Variants in OIT3 observed in about 807,000 individuals in gnomAD.
OIT3 encodes oncoprotein induced transcript 3.
In OIT3, 41 loss-of-function variants were observed where a neutral mutation model predicts 52.2. That is an observed-to-expected ratio of 0.79 (90% CI 0.61 to 1.02). The LOEUF (loss-of-function observed/expected upper bound fraction) is 1.02, where lower values mean the gene tolerates loss of function less well. Among genes scored for constraint, OIT3 ranks in the 50% least tolerant of loss-of-function variants. The probability of loss-of-function intolerance (pLI) is 0.00; values close to 1 mark genes in which losing one functional copy is unlikely to be tolerated. For missense variants in OIT3, 634 were observed against 715.5 expected (o/e 0.89, Z 1.30); for synonymous variants, 244 against 276.9 (o/e 0.88, Z 1.18).
chr10:72,912,978 A>G (rs1846042603), intron 5 of OIT3, among the ~76,000 whole-genome samples: 2 of 152,200 alleles, frequency 1.3e-5, no homozygotes, highest in South Asian at 4.1e-4. Flanking sequence ...CTGTGTTGCT[A>G]ATAAATTGTG....
Position 72,924,469 on chromosome 10 carries a change from G to C in OIT3, c.1192G>C (p.Glu398Gln), listed in dbSNP as rs1028115765. The C allele has an allele frequency of 6.2e-7, 1 of 1,614,192 alleles. No homozygotes were observed. Reference protein sequence around the residue: ...PFTLEIFKDNEFEEPYREALP... With the variant: ...PFTLEIFKDNQFEEPYREALP... ...CACTCTGGAGATCTTCAAGGACAAT[G>C]AGTTTGAAGAGCCTTACCGGGAAGC... is the stretch of plus-strand genomic sequence containing the variant. The change falls in exon 7 of 9, where the codon GAG becomes CAG. Residue 398 changes from glutamate to glutamine, a missense_variant. Physicochemically the swap from Glu to Gln is conservative, Grantham distance 29. Transcript: ENST00000334011.
intron 3 of OIT3, among the ~76,000 whole-genome samples, chr10:72,903,921 C>T (rs1229581659): frequency 1.3e-5 from 2 of 152,094 alleles, no homozygotes; most frequent in African/African-American, 4.8e-5. Flanking sequence ...GACCACCCCT[C>T]ATATTGTCTT....
intron 7 of OIT3, among the ~76,000 whole-genome samples, chr10:72,930,243 A>G (rs994237528): frequency 6.6e-6 from 1 of 152,250 alleles, no homozygotes; most frequent in South Asian, 2.1e-4. Flanking sequence ...GGTATCTGAA[A>G]TAAATGGTGT....
At chr10:72,900,574 C>A in intron 3 of OIT3, 90 bp downstream of exon 3, 1 of 693,594 alleles carries the variant, frequency 1.4e-6, no homozygotes, top group Non-Finnish European at 2.5e-6. Context: ...ATCATTTTCC[C>A]AGTGTGTGTC....
intron 3 of OIT3, among the ~76,000 whole-genome samples, chr10:72,900,717 A>G (rs1845924771): frequency 6.6e-6 from 1 of 152,144 alleles, no homozygotes; most frequent in South Asian, 2.1e-4. Flanking sequence ...GCCATGGTGC[A>G]CTTGAAATGT....
intron 5 of OIT3, among the ~76,000 whole-genome samples, chr10:72,912,432 G>T (rs543035048): frequency 2.1e-3 from 313 of 151,868 alleles, no homozygotes; most frequent in African/African-American, 7.3e-3. Context: ...CACCATGCCT[G>T]GCTAATTTTT....
rs1353556747 is a variant in OIT3 at position 72,906,593 on chromosome 10, C to T, written c.545-3C>T. ...TAGAAACAGTGTGGTTTCTCTTCTGCAGATGAAAATGAATGTGAGCAAAAC... is the reference window on the plus strand; with the variant it reads ...TAGAAACAGTGTGGTTTCTCTTCTGTAGATGAAAATGAATGTGAGCAAAAC... On this transcript the variant is annotated splice_region_variant and splice_polypyrimidine_tract_variant and intron_variant, in intron 3 of 8. Transcript: ENST00000334011. The T allele has an allele frequency of 1.9e-6, 3 of 1,613,736 alleles. No homozygotes were observed. In the African/African-American group the frequency reaches 4.0e-5, roughly 22 times the overall value.
Position 72,930,652 on chromosome 10 carries a change from T to TTTAA in OIT3, c.1467+18_1467+21dup, listed in dbSNP as rs1273624952. Reference sequence around the variant, plus strand: ...AAGACCACAAGGTGAGTTGAACATCTTTAATTTATAACCCCTGAACCTGAG... The same window carrying TTTAA: ...AAGACCACAAGGTGAGTTGAACATCTTTAATTAATTTATAACCCCTGAACCTGAG... On this transcript the variant is annotated intron_variant, in intron 8 of 8. Coordinates refer to ENST00000334011, the MANE Select transcript of OIT3 (RefSeq NM_152635.3). 1.3e-6 allele frequency: 2 copies of TTTAA among 1,501,858 alleles called. No homozygotes were observed. Among genetic ancestry groups the TTTAA allele is most frequent in the African/African-American group, 2.8e-5 (2 of 72,260 alleles). 93.0% of individuals were successfully genotyped at this position (1,501,858 alleles called of 1,614,324 possible).
intron 1 of OIT3, among the ~76,000 whole-genome samples, chr10:72,895,757 A>G (rs1425468386): frequency 6.6e-6 from 1 of 152,182 alleles, no homozygotes; most frequent in African/African-American, 2.4e-5. Context: ...GGTGGAAGAC[A>G]GCAGAGGGGC....
intron 6 of OIT3, chr10:72,917,731 C>CTT: frequency 8.8e-7 from 1 of 1,132,276 alleles, no homozygotes; most frequent in Non-Finnish European, 1.3e-6. Context: ...TTGGCTGCCA[C>CTT]TTTGGGAAGA....
At chr10:72,906,507 T>C in intron 3 of OIT3, 89 bp from the exon 4 acceptor site, 1 of 1,453,362 alleles carries the variant, frequency 6.9e-7, no homozygotes, top group Non-Finnish European at 9.6e-7. Context: ...ATCAACAGGA[T>C]CTGAAAAGAT....
At chr10:72,931,550 G>A (rs1846216480) in intron 8 of OIT3, among the ~76,000 whole-genome samples, 1 of 152,142 alleles carries the variant, frequency 6.6e-6, no homozygotes, top group South Asian at 2.1e-4. Flanking sequence ...TGTTTGTAGA[G>A]CATTGTTACA....
rs970012605 is a variant in OIT3 at position 72,917,785 on chromosome 10, C to A, written c.951+4317C>A. On this transcript the variant is annotated intron_variant, in intron 6 of 8. Transcript: ENST00000334011. ...CTTGCTTGCATTTTTGCTTTAATGTCTTCTACAGAACTAGGTCCTTTTGGT... is the reference window on the plus strand; with the variant it reads ...CTTGCTTGCATTTTTGCTTTAATGTATTCTACAGAACTAGGTCCTTTTGGT... The A allele has an allele frequency of 2.1e-6, 3 of 1,450,264 alleles. No homozygotes were observed. In the African/African-American group the frequency reaches 4.2e-5, roughly 20 times the overall value. 89.8% of individuals were successfully genotyped at this position (1,450,264 alleles called of 1,614,324 possible).
At position 72,899,074 on chromosome 10, in the gene OIT3, C is replaced by T. The variant is rs753841884; in HGVS notation, c.436+36C>T. On this transcript the variant is annotated intron_variant, in intron 2 of 8. Transcript: ENST00000334011. Reference sequence around the variant, plus strand: ...TCCCTGTGCTCTTTTTCTCCACCAACAAGGCCACAGGTGGAGTCCAAAAGT... The same window carrying T: ...TCCCTGTGCTCTTTTTCTCCACCAATAAGGCCACAGGTGGAGTCCAAAAGT... 15 of 1,561,666 alleles carry T rather than the reference C, an allele frequency of 9.6e-6. No homozygotes were observed. The Admixed American group carries it at 2.2e-4, about 23-fold the overall frequency.
chr10:72,909,819 C>T (rs1408486970), intron 4 of OIT3, among the ~76,000 whole-genome samples: 1 of 151,804 alleles, frequency 6.6e-6, no homozygotes, highest in Non-Finnish European at 1.5e-5. Context: ...AGGATGGTCT[C>T]GATCTCCTGA....
chr10:72,906,547 A>G, intron 3 of OIT3, 49 bp from the exon 4 acceptor site: 2 of 1,607,286 alleles, frequency 1.2e-6, no homozygotes, highest in South Asian at 2.2e-5. Context: ...GGTTGGGAAA[A>G]GGCTGAATCA....
At chr10:72,914,225 C>T (rs752317070) in intron 6 of OIT3, among the ~76,000 whole-genome samples, 5 of 151,996 alleles carry the variant, frequency 3.3e-5, no homozygotes, top group African/African-American at 7.2e-5. Context: ...AAAATGAAAC[C>T]GGAAAAGTAG....
chr10:72,904,359 G>C (rs1163575078), intron 3 of OIT3, among the ~76,000 whole-genome samples: 1 of 152,048 alleles, frequency 6.6e-6, no homozygotes, highest in Admixed American at 6.6e-5. Flanking sequence ...GGCTTGTCCT[G>C]CTACAGTCCA....
At position 72,911,217 on chromosome 10, in the gene OIT3, G is replaced by C. The variant is rs113505508; in HGVS notation, c.668-500G>C. Among the ~76,000 whole-genome samples, 454 of 152,240 alleles carry C rather than the reference G, an allele frequency of 3.0e-3. 3 individuals carry two copies. Among genetic ancestry groups the C allele is most frequent in the African/African-American group, 0.01 (422 of 41,538 alleles). On this transcript the variant is annotated intron_variant, in intron 4 of 8. Coordinates refer to ENST00000334011, the MANE Select transcript of OIT3 (RefSeq NM_152635.3). Reference sequence around the variant, plus strand: ...TATAGTGTGCTATCAGCCCAAAGCCGTTTACCCCCAGTGCTCTTGTCCTAA... The same window carrying C: ...TATAGTGTGCTATCAGCCCAAAGCCCTTTACCCCCAGTGCTCTTGTCCTAA...
Sources: gnomAD v4.1 joint callset for allele counts (sites outside exome capture counted in the v4.1 genomes callset) on GRCh38, gnomAD v4.1.1 for gene constraint, MANE v1.5 for transcripts, NCBI Gene and HGNC (gene_info 2026-07-23, HGNC 2026-07-21) for gene names.